Variants in MGA observed in about 807,000 individuals in gnomAD.
The protein encoded by MGA is MAX gene-associated protein.
MGA carries 40 observed loss-of-function variants against 261.1 expected under a neutral mutation model. That is an observed-to-expected ratio of 0.15 (90% CI 0.12 to 0.20). The LOEUF (loss-of-function observed/expected upper bound fraction) is 0.20, where lower values mean the gene tolerates loss of function less well. Ranked by LOEUF, MGA falls within the 10% of genes least tolerant of loss-of-function variation. The pLI, the probability that MGA is intolerant of heterozygous loss-of-function variation, is 1.00. For missense variants in MGA, 3,397 were observed against 3,630.5 expected, an observed-to-expected ratio of 0.94 and a Z score of 1.65; for synonymous variants, 1,302 against 1,290.6, an observed-to-expected ratio of 1.01 and a Z score of -0.19.
intron 2 of MGA, among the ~76,000 whole-genome samples, chr15:41,688,065 C>CT (rs1435861764): frequency 1.4e-4 from 22 of 152,256 alleles, no homozygotes; most frequent in South Asian, 2.1e-4. Context: ...TTATGTGCCT[C>CT]TTTATCTCTG....
chr15:41,669,751 G>T lies in MGA; in HGVS notation c.857G>T (p.Ser286Ile). Residue 286 changes from serine to isoleucine, a missense_variant, in exon 2 of 24, where the codon AGT becomes ATT. Physicochemically the swap from Ser to Ile is moderately radical, Grantham distance 142. Coordinates refer to ENST00000219905, the MANE Select transcript of MGA (RefSeq NM_001164273.2). ...GACCAAGAAGGGAATAATATTTCCA[G>T]TTCTTCTGGTCATCGGGTCCGTCTT... 1 of 1,613,836 alleles carries T rather than the reference G, an allele frequency of 6.2e-7. No homozygotes were observed. Among genetic ancestry groups the T allele is most frequent in the Non-Finnish European group, 8.5e-7 (1 of 1,179,812 alleles).
At chr15:41,676,036 G>C (rs1179575834) in intron 2 of MGA, among the ~76,000 whole-genome samples, 1 of 152,162 alleles carries the variant, frequency 6.6e-6, no homozygotes, top group African/African-American at 2.4e-5. Flanking sequence ...GTGTGACATA[G>C]TTTTCAGATG....
At chr15:41,724,084 T>G (rs2061097503) in intron 9 of MGA, among the ~76,000 whole-genome samples, 1 of 152,148 alleles carries the variant, frequency 6.6e-6, no homozygotes, top group East Asian at 1.9e-4. Context: ...AGAAAATCCT[T>G]AAAAGATTAT....
At chr15:41,691,671 A>C in intron 2 of MGA, 1 of 517,142 alleles carries the variant, frequency 1.9e-6, no homozygotes, top group Non-Finnish European at 4.0e-6. Context: ...CTTCAATTTT[A>C]AAGGCTTCTT....
chr15:41,672,610 C>A (rs2058121708), intron 2 of MGA, among the ~76,000 whole-genome samples: 1 of 152,150 alleles, frequency 6.6e-6, no homozygotes, highest in African/African-American at 2.4e-5. Context: ...CAAGAAATAG[C>A]ATTATCTTTG....
intron 17 of MGA, among the ~76,000 whole-genome samples, chr15:41,754,119 A>G (rs924171173): frequency 2.0e-5 from 3 of 152,028 alleles, no homozygotes; most frequent in Non-Finnish European, 4.4e-5. Flanking sequence ...GGGTTTTGCC[A>G]TGTTGCCCAG....
rs755992034 is a variant in MGA at position 41,669,394 on chromosome 15, A to G, written c.500A>G (p.His167Arg). The stretch of plus-strand genomic sequence containing the variant: ...CATCCAGAATCTCCTTCCACAGGTC[A>G]TTATTGGATGCATCAACCAGTATCT... Residue 167 changes from histidine (H) to arginine (R), a missense_variant, in exon 2 of 24, where the codon CAT (histidine) becomes CGT (arginine). Around this residue, in one of 9 missense-constraint regions of MGA, gnomAD observed 104 missense variants for 212.9 expected, o/e 0.49. Transcript: ENST00000219905. 6 of 1,613,992 alleles carry G rather than the reference A, an allele frequency of 3.7e-6. No homozygotes were observed. In the South Asian group the frequency reaches 5.5e-5, roughly 15 times the overall value.
chr15:41,678,780 AC>A (rs1477867283), intron 2 of MGA, among the ~76,000 whole-genome samples: 3 of 143,976 alleles, frequency 2.1e-5, no homozygotes, highest in South Asian at 2.2e-4. Context: ...AAAAAAAAAA[AC>A]CACAAAATGA....
intron 5 of MGA, among the ~76,000 whole-genome samples, chr15:41,700,574 C>G (rs945544352): frequency 6.6e-6 from 1 of 152,080 alleles, no homozygotes; most frequent in Non-Finnish European, 1.5e-5. Flanking sequence ...AGGGCATGAA[C>G]TCATTCTTTT....
Position 41,736,462 on chromosome 15 carries a change from C to T in MGA, c.4198C>T (p.Pro1400Ser), listed in dbSNP as rs1260134903. The change falls in exon 13 of 24, where the codon CCA becomes TCA. Residue 1400 changes from proline (P) to serine (S), a missense_variant. Pro to Ser is a moderately conservative substitution (Grantham distance 74, BLOSUM62 -1). This residue lies in a region of MGA where 1,410 missense variants were observed against 1,386.4 expected (regional missense o/e 1.02). Coordinates refer to ENST00000219905, the MANE Select transcript of MGA (RefSeq NM_001164273.2). Reference sequence around the variant, plus strand: ...TTCTTCTCGTGTGAAAATCTCTATGCCATCATGTCAAGACCAAGATGATAT... The same window carrying T: ...TTCTTCTCGTGTGAAAATCTCTATGTCATCATGTCAAGACCAAGATGATAT... The T allele has an allele frequency of 1.9e-6, 3 of 1,613,874 alleles. No individual in the cohort carries two copies. Among genetic ancestry groups the T allele is most frequent in the Non-Finnish European group, 2.5e-6 (3 of 1,179,896 alleles).
intron 2 of MGA, among the ~76,000 whole-genome samples, chr15:41,695,377 T>C (rs2151288736): frequency 6.6e-6 from 1 of 152,172 alleles, no homozygotes; most frequent in South Asian, 2.1e-4. Context: ...TTAGTAGAGA[T>C]GGGGTTTCAC....
intron 1 of MGA, among the ~76,000 whole-genome samples, chr15:41,648,654 A>G (rs1001197117): frequency 6.6e-6 from 1 of 152,146 alleles, no homozygotes; most frequent in Non-Finnish European, 1.5e-5. Flanking sequence ...GCAGTGTAAG[A>G]GCCCTTCTCT....
Position 41,749,263 on chromosome 15 carries a change from T to C in MGA, c.5656T>C (p.Leu1886=), listed in dbSNP as rs778770956. 12 of 1,613,936 alleles carry C rather than the reference T, an allele frequency of 7.4e-6. No individual in the cohort carries two copies. The highest frequency in any genetic ancestry group is 1.0e-5 in the Non-Finnish European group (12 of 1,179,910). Residue 1886 remains leucine, a synonymous_variant, in exon 17 of 24, where the codon TTG becomes CTG. Coordinates refer to ENST00000219905, the MANE Select transcript of MGA (RefSeq NM_001164273.2). ...GAATGTTATCACTCAGGCACCATCA[T>C]TGCTTTCCTCTGGAGCTAGTTTTGT...
chr15:41,760,038 G>T (rs184339158), intron 19 of MGA: 8 of 317,870 alleles, frequency 2.5e-5, no homozygotes, highest in African/African-American at 1.7e-4. Flanking sequence ...TTCAGATCTC[G>T]TACGCCTGTA....
intron 20 of MGA, 101 bp from the exon 21 acceptor site, chr15:41,761,638 G>C (rs977234075): frequency 3.3e-6 from 2 of 601,910 alleles, no homozygotes; most frequent in Non-Finnish European, 5.6e-6. Context: ...CTCTTAAGAT[G>C]TCAGATTAAG....
chr15:41,724,083 T>C (rs1329522811), intron 9 of MGA, among the ~76,000 whole-genome samples: 2 of 152,160 alleles, frequency 1.3e-5, no homozygotes, highest in Non-Finnish European at 2.9e-5. Flanking sequence ...TAGAAAATCC[T>C]TAAAAGATTA....
intron 2 of MGA, among the ~76,000 whole-genome samples, chr15:41,676,768 A>G (rs1248403328): frequency 6.6e-6 from 1 of 152,236 alleles, no homozygotes; most frequent in Non-Finnish European, 1.5e-5. Context: ...GGAATTGCCT[A>G]GATCAAGATT....
chr15:41,737,446 T>C (rs1046984150), intron 13 of MGA, among the ~76,000 whole-genome samples: 10 of 151,646 alleles, frequency 6.6e-5, no homozygotes, highest in African/African-American at 1.9e-4. Flanking sequence ...TGAGCCACCA[T>C]GCATGGCTGA....
intron 5 of MGA, among the ~76,000 whole-genome samples, chr15:41,704,940 T>A (rs1350362789): frequency 6.6e-6 from 1 of 152,192 alleles, no homozygotes; most frequent in African/African-American, 2.4e-5. Flanking sequence ...AAGAAGTAGC[T>A]TCTAATATGG....
Sources: gnomAD v4.1 joint callset for allele counts (sites outside exome capture counted in the v4.1 genomes callset) on GRCh38, gnomAD v4.1.1 for gene constraint, gnomAD v4.1.1 regional missense constraint, MANE v1.5 for transcripts, NCBI Gene and HGNC (gene_info 2026-07-23, HGNC 2026-07-21) for gene names.